Variants in STAG1 observed in about 807,000 individuals in gnomAD.
The protein encoded by STAG1 is STAG1 cohesin complex component.
STAG1 carries 26 observed loss-of-function variants against 170.9 expected under a neutral mutation model. The ratio of observed to expected loss-of-function variants is 0.15; its 90% CI spans 0.11 to 0.21. The LOEUF (loss-of-function observed/expected upper bound fraction) is 0.21. Among genes scored for constraint, STAG1 ranks in the 10% least tolerant of loss-of-function variants. The pLI is 1.00. For missense variants in STAG1, 964 were observed against 1,509.5 expected (o/e 0.64, Z 5.99); for synonymous variants, 514 against 497.7 (o/e 1.03, Z -0.44).
At chr3:136,412,080 C>A (rs2087640299) in intron 21 of STAG1, among the ~76,000 whole-genome samples, 1 of 152,106 alleles carries the variant, frequency 6.6e-6, no homozygotes, top group Admixed American at 6.5e-5. Flanking sequence ...TTGAAAGGAA[C>A]TCCCACTGGC....
At chr3:136,392,095 A>G (rs2087025060) in intron 22 of STAG1, among the ~76,000 whole-genome samples, 1 of 152,188 alleles carries the variant, frequency 6.6e-6, no homozygotes. Context: ...TTAGAAAAGT[A>G]CTCTTTAAAA....
intron 9 of STAG1, among the ~76,000 whole-genome samples, chr3:136,493,398 T>C (rs888123418): frequency 1.1e-4 from 17 of 152,070 alleles, no homozygotes; most frequent in African/African-American, 3.6e-4. Context: ...CTCACACCTG[T>C]AATCCCATCA....
intron 13 of STAG1, among the ~76,000 whole-genome samples, chr3:136,461,812 G>C (rs2107792855): frequency 6.6e-6 from 1 of 152,194 alleles, no homozygotes; most frequent in East Asian, 1.9e-4. Flanking sequence ...CAAGGGATTA[G>C]TAACCAGAAT....
chr3:136,750,144 C>T (rs973696669), intron 1 of STAG1, among the ~76,000 whole-genome samples: 1 of 152,144 alleles, frequency 6.6e-6, no homozygotes, highest in Non-Finnish European at 1.5e-5. Flanking sequence ...TTTTCACAGA[C>T]ATCTTGTTAC....
At chr3:136,539,781 A>C (rs531893950) in intron 6 of STAG1, among the ~76,000 whole-genome samples, 2 of 152,352 alleles carry the variant, frequency 1.3e-5, no homozygotes, top group Admixed American at 6.5e-5. Context: ...TATTTTAAAA[A>C]GATTATTAAC....
intron 1 of STAG1, among the ~76,000 whole-genome samples, chr3:136,720,253 G>C (rs940332095): frequency 6.6e-6 from 1 of 151,916 alleles, no homozygotes; most frequent in African/African-American, 2.4e-5. Context: ...AACCATCTGT[G>C]TGGAATGAAC....
rs184973098 is a variant in STAG1, at chr3:136,614,147, C to T, written c.132+8999G>A. On this transcript the variant is annotated intron_variant, in intron 3 of 33. Transcript: ENST00000383202. ...AGGAGAATTGCTTGAACCCGGGAGGCGGAGGTTGCAGTGAGCCAAGATTGT... is the reference window on the plus strand; with the variant it reads ...AGGAGAATTGCTTGAACCCGGGAGGTGGAGGTTGCAGTGAGCCAAGATTGT... Among the ~76,000 whole-genome samples the T allele has an allele frequency of 8.3e-4, 126 of 152,172 alleles. 1 individual carries two copies. Among genetic ancestry groups the T allele is most frequent in the Middle Eastern group, 6.8e-3 (2 of 294 alleles).
intron 15 of STAG1, 43 bp downstream of exon 15, chr3:136,443,243 TG>T (rs761671352): frequency 7.2e-7 from 1 of 1,380,782 alleles, no homozygotes; most frequent in South Asian, 1.2e-5. Context: ...TTGCTATCAA[TG>T]GAAATACAAA....
intron 2 of STAG1, among the ~76,000 whole-genome samples, chr3:136,625,090 C>A (rs1015687871): frequency 2.0e-5 from 3 of 152,308 alleles, no homozygotes; most frequent in Non-Finnish European, 2.9e-5. Context: ...GGCTTCAACA[C>A]AGCATTGAAA....
At chr3:136,463,669 G>C (rs2089338517) in intron 13 of STAG1, among the ~76,000 whole-genome samples, 2 of 148,448 alleles carry the variant, frequency 1.3e-5, no homozygotes, top group South Asian at 4.3e-4. Flanking sequence ...CTTCAGGCCA[G>C]GAGTTCAAGA....
At chr3:136,736,980 T>C (rs2107946315) in intron 1 of STAG1, 3 of 1,595,712 alleles carry the variant, frequency 1.9e-6, no homozygotes, top group Non-Finnish European at 2.6e-6. Context: ...CAGCATCATC[T>C]TGATTTTTGT....
chr3:136,658,379 T>C (rs1480363750), intron 1 of STAG1, among the ~76,000 whole-genome samples: 1 of 152,088 alleles, frequency 6.6e-6, no homozygotes, highest in Non-Finnish European at 1.5e-5. Context: ...TGAGTGTTAC[T>C]TGAATAGGAA....
intron 6 of STAG1, among the ~76,000 whole-genome samples, chr3:136,533,364 T>G (rs907475381): frequency 6.6e-6 from 1 of 152,104 alleles, no homozygotes; most frequent in Non-Finnish European, 1.5e-5. Flanking sequence ...AAAATGACTG[T>G]GTCGCCTTTT....
chr3:136,421,217 T>G, intron 19 of STAG1, 54 bp from the exon 20 acceptor site: 1 of 1,076,216 alleles, frequency 9.3e-7, no homozygotes, highest in South Asian at 1.8e-5. Context: ...TTATAGTATA[T>G]TACTACTTAT....
chr3:136,341,635 G>C, intron 30 of STAG1, 84 bp from the exon 31 acceptor site: 1 of 849,172 alleles, frequency 1.2e-6, no homozygotes, highest in East Asian at 2.5e-5. Flanking sequence ...GCCAAGGTAG[G>C]TTTACTTAAT....
chr3:136,340,994 C>G (rs530183044), intron 31 of STAG1, among the ~76,000 whole-genome samples: 1 of 152,232 alleles, frequency 6.6e-6, no homozygotes, highest in Admixed American at 6.5e-5. Flanking sequence ...CTACAACCTC[C>G]GCCTCCTGGA....
At chr3:136,674,658 A>G (rs774377070) in intron 1 of STAG1, among the ~76,000 whole-genome samples, 13 of 152,196 alleles carry the variant, frequency 8.5e-5, no homozygotes, top group Admixed American at 3.9e-4. Context: ...ATCCTAAATA[A>G]AGTTGTTTTT....
intron 1 of STAG1, among the ~76,000 whole-genome samples, chr3:136,653,395 T>C (rs1391735164): frequency 6.6e-6 from 1 of 152,176 alleles, no homozygotes; most frequent in Non-Finnish European, 1.5e-5. Context: ...TAGACAGCCA[T>C]TACATTCTCT....
chr3:136,751,061 A>C (rs1184360122), intron 1 of STAG1, among the ~76,000 whole-genome samples: 3 of 152,252 alleles, frequency 2.0e-5, no homozygotes, highest in Non-Finnish European at 4.4e-5. Context: ...TTCTCAAGTA[A>C]ACACTATTTT....
Sources: gnomAD v4.1 joint callset for allele counts (sites outside exome capture counted in the v4.1 genomes callset) on GRCh38, gnomAD v4.1.1 for gene constraint, MANE v1.5 for transcripts, NCBI Gene and HGNC (gene_info 2026-07-23, HGNC 2026-07-21) for gene names.